Variants in TPCN2 observed in about 807,000 individuals in gnomAD.
TPCN2 encodes two pore segment channel 2.
Under a neutral mutation model 111.4 loss-of-function variants are expected in TPCN2, and 92 were observed. That is an observed-to-expected ratio of 0.83 (90% CI 0.70 to 0.98). The LOEUF (loss-of-function observed/expected upper bound fraction) is 0.98. TPCN2 is among the 50% of genes least tolerant of loss of function. TPCN2 has a pLI of 0.00. For synonymous variants in TPCN2, 405 were observed against 414.5 expected, an observed-to-expected ratio of 0.98 and a Z score of 0.28; for missense variants, 995 against 980.1, an observed-to-expected ratio of 1.02 and a Z score of -0.20.
intron 19 of TPCN2, among the ~76,000 whole-genome samples, chr11:69,084,268 C>A (rs1468684655): frequency 6.6e-6 from 1 of 152,190 alleles, no homozygotes; most frequent in East Asian, 1.9e-4. Flanking sequence ...CCTCCCATGG[C>A]AGAGACTGTT....
intron 7 of TPCN2, among the ~76,000 whole-genome samples, chr11:69,065,215 C>T (rs529145493): frequency 2.0e-5 from 3 of 152,238 alleles, no homozygotes; most frequent in African/African-American, 4.8e-5. Context: ...GAGATGGAAC[C>T]GGCTGACAGA....
chr11:69,078,789 T>C lies in TPCN2; in HGVS notation c.1406T>C (p.Leu469Pro). The change falls in exon 15 of 25, where the codon CTG becomes CCG. Residue 469 changes from leucine (L) to proline (P), a missense_variant. Physicochemically the swap from Leu to Pro is moderately conservative, Grantham distance 98. Coordinates refer to ENST00000294309, the MANE Select transcript of TPCN2 (RefSeq NM_139075.4). ...CCTGCTGAGCGTGATGACTTCATCC[T>C]GGGGGTAAGTTCTGAGCTGTCCACC... ...VLPAERDDFI[L>P]GILNCVFIVY... The C allele has an allele frequency of 6.2e-7, 1 of 1,614,092 alleles. No individual in the cohort carries two copies. The highest frequency in any genetic ancestry group is 2.2e-5 in the East Asian group (1 of 44,886).
At chr11:69,075,744 G>A (rs573158030) in intron 13 of TPCN2, among the ~76,000 whole-genome samples, 26 of 152,322 alleles carry the variant, frequency 1.7e-4, no homozygotes, top group African/African-American at 6.0e-4. Context: ...CCAGGGAGTC[G>A]GTTGGTGCTT....
rs1856362566 is a variant in TPCN2, at chr11:69,088,558, G to T, written c.*605G>T. On this transcript the variant is annotated 3_prime_UTR_variant, in exon 25 of 25. Transcript: ENST00000294309. ...TCTAGTCCTGCTTCTCTGGAGTAGG[G>T]TTGTTGAGTAAGGTTGCTTGGGTTG... 6.5e-6 allele frequency: 1 copy of T among 152,950 alleles called. No homozygotes were observed. Among genetic ancestry groups the T allele is most frequent in the African/African-American group, 2.4e-5 (1 of 41,458 alleles). The allele number at this position is 152,950 out of a possible 1,614,324, so 9.5% of individuals were successfully genotyped here.
intron 13 of TPCN2, among the ~76,000 whole-genome samples, chr11:69,076,575 G>C (rs61881027): frequency 0.25 from 35,292 of 143,538 alleles, 5,065 homozygotes; most frequent in South Asian, 0.43. Context: ...CTGCCCTCCT[G>C]CTCTGTCCCT....
At chr11:69,067,650 G>A in intron 8 of TPCN2, 45 bp downstream of exon 8, 1 of 1,585,374 alleles carries the variant, frequency 6.3e-7, no homozygotes, top group Non-Finnish European at 8.6e-7. Context: ...GGTGAGCCCA[G>A]CACTGGGGGG....
chr11:69,060,007 G>T (rs1177181609), intron 5 of TPCN2, among the ~76,000 whole-genome samples: 1 of 152,244 alleles, frequency 6.6e-6, no homozygotes, highest in Non-Finnish European at 1.5e-5. Context: ...GCCTGGTCCT[G>T]GCCAGAGAGC....
At chr11:69,064,945 A>G (rs866383794) in intron 7 of TPCN2, among the ~76,000 whole-genome samples, 76 of 127,148 alleles carry the variant, frequency 6.0e-4, no homozygotes, top group Middle Eastern at 4.1e-3. Context: ...GTGTGTTTGT[A>G]TGTGTGCATG....
In TPCN2 at chr11:69,079,195, C is replaced by T; in HGVS notation, c.1539+175C>T. On this transcript the variant is annotated intron_variant, in intron 16 of 24. Coordinates refer to ENST00000294309, the MANE Select transcript of TPCN2 (RefSeq NM_139075.4). ...GCTGGCCGAGTTGCTCAGTGGGCAGCCGGTGAGGTCTTTAGGAGGCTGGGT... is the reference window on the plus strand; with the variant it reads ...GCTGGCCGAGTTGCTCAGTGGGCAGTCGGTGAGGTCTTTAGGAGGCTGGGT... The T allele has an allele frequency of 5.1e-6, 4 of 788,676 alleles. No homozygotes were observed. The South Asian group carries it at 7.7e-5, about 15-fold the overall frequency. 48.9% of individuals were successfully genotyped at this position (788,676 alleles called of 1,614,324 possible).
In TPCN2 at chr11:69,070,456, CGGGCCT is replaced by C; in HGVS notation, c.857_862del (p.Arg286_Tyr288delinsHis). 6.2e-7 allele frequency: 1 copy of C among 1,611,712 alleles called. No individual in the cohort carries two copies. Among genetic ancestry groups the C allele is most frequent in the South Asian group, 1.1e-5 (1 of 90,780 alleles). On this transcript the variant is annotated inframe_deletion, in exon 9 of 25. Coordinates refer to ENST00000294309, the MANE Select transcript of TPCN2 (RefSeq NM_139075.4). Reference sequence around the variant, plus strand: ...GATGATTCCTGCGTATTCCAAGAACCGGGCCTATGCCATCTTCTTCATAGTCTTCAC... The same window carrying C: ...GATGATTCCTGCGTATTCCAAGAACCATGCCATCTTCTTCATAGTCTTCAC...
intron 23 of TPCN2, 60 bp from the exon 24 acceptor site, chr11:69,087,052 T>C: frequency 2.0e-6 from 3 of 1,478,128 alleles, no homozygotes; most frequent in Non-Finnish European, 2.8e-6. Flanking sequence ...GGGCCGGGGA[T>C]GGGGCAAGGC....
intron 1 of TPCN2, among the ~76,000 whole-genome samples, chr11:69,052,929 C>G (rs927805292): frequency 1.3e-5 from 2 of 152,252 alleles, no homozygotes; most frequent in African/African-American, 4.8e-5. Flanking sequence ...GTCAGCCTCT[C>G]CGGGCTCCTC....
At chr11:69,064,834 ATGTT>A (rs1375837275) in intron 7 of TPCN2, among the ~76,000 whole-genome samples, 1 of 151,828 alleles carries the variant, frequency 6.6e-6, no homozygotes, top group Non-Finnish European at 1.5e-5. Flanking sequence ...GTCTGTGTGC[ATGTT>A]TGTTTGTATG....
chr11:69,067,219 G>A (rs1180894036), intron 7 of TPCN2, among the ~76,000 whole-genome samples: 1 of 152,250 alleles, frequency 6.6e-6, no homozygotes, highest in African/African-American at 2.4e-5. Context: ...GTGGCCTGAG[G>A]GAGGTCACTA....
At chr11:69,065,126 G>A (rs545139239) in intron 7 of TPCN2, among the ~76,000 whole-genome samples, 1 of 152,196 alleles carries the variant, frequency 6.6e-6, no homozygotes, top group East Asian at 1.9e-4. Context: ...CTGTGTGCGT[G>A]TGCATGTGTG....
At chr11:69,051,009 A>G (rs1861203646) in intron 1 of TPCN2, among the ~76,000 whole-genome samples, 1 of 152,238 alleles carries the variant, frequency 6.6e-6, no homozygotes, top group Non-Finnish European at 1.5e-5. Flanking sequence ...CCCAGCAAGG[A>G]CTGGCAGACT....
chr11:69,057,685 G>T lies in TPCN2; in HGVS notation c.537G>T (p.Val179=). Reference sequence around the variant, plus strand: ...ACTGGACCGTGTCCCTGAGTCTCGTGTGTCATGAGGTAGGTGGTGAGGCAG... The same window carrying T: ...ACTGGACCGTGTCCCTGAGTCTCGTTTGTCATGAGGTAGGTGGTGAGGCAG... ...LVDWTVSLSL[V]CHEPLRIRRL... is the part of the protein sequence containing the mutation. The change falls in exon 5 of 25, where the codon GTG becomes GTT. Residue 179 remains valine (V), a synonymous_variant. Transcript: ENST00000294309. 18 of 1,614,150 alleles carry T rather than the reference G, an allele frequency of 1.1e-5. No individual in the cohort carries two copies. Among genetic ancestry groups the T allele is most frequent in the Non-Finnish European group, 1.4e-5 (17 of 1,179,962 alleles).
At chr11:69,062,863 A>T (rs1421473089) in intron 5 of TPCN2, 21 bp from the exon 6 acceptor site, 7 of 1,611,448 alleles carry the variant, frequency 4.3e-6, no homozygotes, top group Non-Finnish European at 5.9e-6. Context: ...CGTGGTCCTC[A>T]GTTTCCTGGG....
chr11:69,052,542 C>T (rs1861274147), intron 1 of TPCN2, among the ~76,000 whole-genome samples: 1 of 152,092 alleles, frequency 6.6e-6, no homozygotes, highest in African/African-American at 2.4e-5. Flanking sequence ...CATGTGGGCA[C>T]CAAAGCCACA....
Sources: allele counts gnomAD v4.1 joint callset (sites outside exome capture counted in the v4.1 genomes callset), GRCh38; gene constraint gnomAD v4.1.1; transcripts MANE v1.5; gene names NCBI Gene and HGNC (gene_info 2026-07-23, HGNC 2026-07-21).